Variants in SNX29 observed in about 807,000 individuals in gnomAD.
The protein encoded by SNX29 is sorting nexin 29.
SNX29 carries 78 observed loss-of-function variants against 102.1 expected under a neutral mutation model. The ratio of observed to expected loss-of-function variants is 0.76; its 90% confidence interval spans 0.64 to 0.92. The LOEUF is 0.92. SNX29 is among the 40% of genes least tolerant of loss of function. SNX29 has a pLI of 0.00. For missense variants in SNX29, 1,280 were observed against 1,061.7 expected, an observed-to-expected ratio of 1.21 and a Z score of -2.86; for synonymous variants, 580 against 414.5, an observed-to-expected ratio of 1.40 and a Z score of -4.85.
At chr16:12,537,778 A>C (rs578225905) in intron 20 of SNX29, among the ~76,000 whole-genome samples, 3 of 152,070 alleles carry the variant, frequency 2.0e-5, no homozygotes, top group Admixed American at 6.5e-5. Context: ...TAAACAAAAA[A>C]AAGTAATAAA....
At chr16:12,450,449 C>G (rs1296900879) in intron 18 of SNX29, among the ~76,000 whole-genome samples, 1 of 152,186 alleles carries the variant, frequency 6.6e-6, no homozygotes, top group African/African-American at 2.4e-5. Context: ...GGGTACAGCT[C>G]TCTATCCCAT....
intron 13 of SNX29, among the ~76,000 whole-genome samples, chr16:12,155,393 A>C (rs1393253215): frequency 6.6e-6 from 1 of 152,158 alleles, no homozygotes; most frequent in Admixed American, 6.5e-5. Context: ...GAGCCACAGA[A>C]TGTTTCTCTT....
At chr16:12,136,056 G>A (rs908973165) in intron 13 of SNX29, among the ~76,000 whole-genome samples, 35 of 152,182 alleles carry the variant, frequency 2.3e-4, no homozygotes, top group African/African-American at 7.7e-4. Flanking sequence ...TGCAGACTTC[G>A]CTTCTTGTGT....
chr16:12,572,865 A>T lies in SNX29; in HGVS notation c.*4236A>T, dbSNP rs1462873404. 1 of 1,062,790 alleles carries T rather than the reference A, an allele frequency of 9.4e-7. No individual in the cohort carries two copies. Among genetic ancestry groups the T allele is most frequent in the African/African-American group, 1.6e-5 (1 of 60,950 alleles). The allele number at this position is 1,062,790 out of a possible 1,614,324, so 65.8% of individuals were successfully genotyped here. ...ATGCCCAGGTTTCAGCCCTAAAGGT[A>T]ATGATTGTCTTGACTCTGCCTTGGC... On this transcript the variant is annotated 3_prime_UTR_variant, in exon 21 of 21. Coordinates refer to ENST00000566228, the MANE Select transcript of SNX29 (RefSeq NM_032167.5).
At chr16:12,322,775 TGC>T (rs2080982049) in intron 15 of SNX29, among the ~76,000 whole-genome samples, 1 of 151,440 alleles carries the variant, frequency 6.6e-6, no homozygotes, top group African/African-American at 2.4e-5. Flanking sequence ...ACCGTCAGGA[TGC>T]AGTCAGTAGG....
At chr16:12,547,402 G>C (rs539197927) in intron 20 of SNX29, among the ~76,000 whole-genome samples, 3 of 152,284 alleles carry the variant, frequency 2.0e-5, no homozygotes, top group South Asian at 2.1e-4. Context: ...TGATAGAACA[G>C]GTAGTTAGGG....
At chr16:12,540,315 G>C (rs1208889197) in intron 20 of SNX29, among the ~76,000 whole-genome samples, 1 of 152,082 alleles carries the variant, frequency 6.6e-6, no homozygotes, top group African/African-American at 2.4e-5. Context: ...CCACCCTCTT[G>C]GGACCACAGC....
At chr16:12,257,948 T>G (rs2078623811) in intron 14 of SNX29, among the ~76,000 whole-genome samples, 1 of 152,216 alleles carries the variant, frequency 6.6e-6, no homozygotes, top group East Asian at 1.9e-4. Context: ...TTCCAAAATA[T>G]ACCCTGGAGA....
chr16:12,236,247 C>A (rs547927663), intron 14 of SNX29, among the ~76,000 whole-genome samples: 1 of 152,136 alleles, frequency 6.6e-6, no homozygotes, highest in Non-Finnish European at 1.5e-5. Context: ...GAAGGGAATG[C>A]GGTCACTGTT....
intron 20 of SNX29, chr16:12,526,512 G>A (rs752128504): frequency 2.6e-5 from 13 of 506,034 alleles, no homozygotes; most frequent in African/African-American, 5.8e-5. Flanking sequence ...TTTCTAGAAC[G>A]CTTTATTTTT....
At chr16:12,416,239 A>T (rs143799771) in intron 18 of SNX29, among the ~76,000 whole-genome samples, 1 of 151,820 alleles carries the variant, frequency 6.6e-6, no homozygotes, top group African/African-American at 2.4e-5. Flanking sequence ...TGCCCCTCAA[A>T]TGCACTTAGC....
intron 13 of SNX29, among the ~76,000 whole-genome samples, chr16:12,181,507 G>C (rs192680392): frequency 1.3e-5 from 2 of 152,190 alleles, no homozygotes; most frequent in South Asian, 4.1e-4. Context: ...TGAGTAGAGG[G>C]GTGACTTTGA....
At chr16:12,412,604 A>G (rs952077238) in intron 18 of SNX29, among the ~76,000 whole-genome samples, 2 of 152,214 alleles carry the variant, frequency 1.3e-5, no homozygotes, top group Non-Finnish European at 2.9e-5. Flanking sequence ...TCATATGCAT[A>G]AAGTCTTCGC....
chr16:12,555,223 C>A (rs1050097938), intron 20 of SNX29, among the ~76,000 whole-genome samples: 1 of 151,554 alleles, frequency 6.6e-6, no homozygotes, highest in African/African-American at 2.4e-5. Context: ...CTGCTGGGTA[C>A]AGGGAGAAAT....
chr16:12,512,556 A>G (rs1289647249), intron 19 of SNX29, among the ~76,000 whole-genome samples: 2 of 151,202 alleles, frequency 1.3e-5, no homozygotes, highest in South Asian at 2.1e-4. Flanking sequence ...GGAGTTTGCC[A>G]TTGCTTCTTC....
chr16:12,154,567 A>T (rs2055452351), intron 13 of SNX29, among the ~76,000 whole-genome samples: 1 of 152,134 alleles, frequency 6.6e-6, no homozygotes, highest in Non-Finnish European at 1.5e-5. Flanking sequence ...CCAACTCTTC[A>T]TCCTCAGGCC....
chr16:12,536,925 G>A (rs752303101), intron 20 of SNX29, among the ~76,000 whole-genome samples: 2 of 152,142 alleles, frequency 1.3e-5, no homozygotes, highest in African/African-American at 2.4e-5. Context: ...GCAGTGAGCC[G>A]AGATCACAGC....
chr16:12,224,068 C>T (rs146023019), intron 14 of SNX29, among the ~76,000 whole-genome samples: 186 of 152,264 alleles, frequency 1.2e-3, no homozygotes, highest in Admixed American at 4.4e-3. Flanking sequence ...TAGCCTTCCT[C>T]CCCTAGCCAG....
intron 15 of SNX29, among the ~76,000 whole-genome samples, chr16:12,314,512 C>T (rs889203970): frequency 6.6e-6 from 1 of 152,206 alleles, no homozygotes; most frequent in African/African-American, 2.4e-5. Context: ...TCATCTGTAA[C>T]ATGAAGGTCT....
Sources: allele counts gnomAD v4.1 joint callset (sites outside exome capture counted in the v4.1 genomes callset), GRCh38; gene constraint gnomAD v4.1.1; transcripts MANE v1.5; gene names NCBI Gene and HGNC (gene_info 2026-07-23, HGNC 2026-07-21).